The following LSM6 variants were observed in gnomAD, a reference collection of about 807,000 sequenced individuals.
The protein encoded by LSM6 is LSM6 homolog, U6 small nuclear RNA and mRNA degradation associated.
Under a neutral mutation model 13.5 loss-of-function variants are expected in LSM6, and 2 were observed. That is an observed-to-expected ratio of 0.15 (90% confidence interval 0.06 to 0.47). The LOEUF (loss-of-function observed/expected upper bound fraction) is 0.47, where lower values mean the gene tolerates loss of function less well. Ranked by LOEUF, LSM6 falls within the 20% of genes least tolerant of loss-of-function variation. The pLI is 0.97. For missense variants in LSM6, 58 were observed against 96.4 expected (o/e 0.60, Z 1.67); for synonymous variants, 43 against 34.9 (o/e 1.23, Z -0.82).
intron 2 of LSM6, among the ~76,000 whole-genome samples, chr4:146,186,979 T>G (rs1259700342): frequency 3.3e-5 from 5 of 152,240 alleles, no homozygotes; most frequent in Non-Finnish European, 7.3e-5. Context: ...AGTCTTATTC[T>G]CTTACTTTTT....
At chr4:146,187,075 G>A (rs1730366246) in intron 2 of LSM6, among the ~76,000 whole-genome samples, 199 bp from the exon 3 acceptor site, 1 of 152,210 alleles carries the variant, frequency 6.6e-6, no homozygotes, top group African/African-American at 2.4e-5. Context: ...GTGGGTGCGT[G>A]ACTGCCTTCC....
At chr4:146,188,985 C>CT (rs574933137) in intron 3 of LSM6, among the ~76,000 whole-genome samples, 4,220 of 131,312 alleles carry the variant, frequency 0.032, 118 homozygotes, top group African/African-American at 0.062. Context: ...TGAAAAGCAT[C>CT]TTTTTTTTTT....
intron 2 of LSM6, among the ~76,000 whole-genome samples, chr4:146,186,992 A>G (rs539650655): frequency 1.2e-3 from 179 of 152,236 alleles, no homozygotes; most frequent in African/African-American, 4.2e-3. Context: ...TACTTTTTTG[A>G]ATGCTTTAAA....
chr4:146,183,870 C>CTTT (rs1206702736), intron 2 of LSM6, among the ~76,000 whole-genome samples: 11 of 117,488 alleles, frequency 9.4e-5, no homozygotes, highest in South Asian at 2.8e-4. Flanking sequence ...GGGTAATTTT[C>CTTT]TTTTTTTTTT....
intron 1 of LSM6, 65 bp downstream of exon 1, chr4:146,175,876 T>C (rs2110873868): frequency 6.6e-6 from 1 of 152,506 alleles, no homozygotes; most frequent in African/African-American, 2.4e-5. Context: ...GGTGCCCCAG[T>C]GTTCAGTCGC....
At chr4:146,179,765 A>G (rs1730191036) in intron 1 of LSM6, among the ~76,000 whole-genome samples, 1 of 152,214 alleles carries the variant, frequency 6.6e-6, no homozygotes, top group Non-Finnish European at 1.5e-5. Flanking sequence ...GGGCATCTGC[A>G]CTCTGCTATG....
chr4:146,182,787 C>T (rs750414837), intron 1 of LSM6, 125 bp from the exon 2 acceptor site: 116 of 607,432 alleles, frequency 1.9e-4, no homozygotes, highest in Non-Finnish European at 2.9e-4. Context: ...TGGAGTAATA[C>T]GCGTCTTCTC....
At chr4:146,185,543 T>C (rs1730327763) in intron 2 of LSM6, among the ~76,000 whole-genome samples, 1 of 150,266 alleles carries the variant, frequency 6.7e-6, no homozygotes, top group Non-Finnish European at 1.5e-5. Context: ...CCAGCAACTC[T>C]CTGTAGCAGT....
At chr4:146,185,633 C>T (rs1730330100) in intron 2 of LSM6, among the ~76,000 whole-genome samples, 1 of 151,466 alleles carries the variant, frequency 6.6e-6, no homozygotes, top group Admixed American at 6.6e-5. Context: ...TTTCTAACCC[C>T]CTGGGCAGTT....
chr4:146,185,107 A>G lies in LSM6; in HGVS notation c.94+2092A>G, dbSNP rs528486187. Among the ~76,000 whole-genome samples the G allele has an allele frequency of 3.9e-5, 6 of 152,178 alleles. No homozygotes were observed. In the South Asian group the frequency reaches 1.2e-3, roughly 32 times the overall value. ...GACCAGTTTTTTGCCACTATAAACA[A>G]CTCTTCTACTTTGACATATATTGTG... On this transcript the variant is annotated intron_variant, in intron 2 of 3. Coordinates refer to ENST00000296581, the MANE Select transcript of LSM6 (RefSeq NM_007080.3).
intron 2 of LSM6, 101 bp downstream of exon 2, chr4:146,183,116 G>C: frequency 1.3e-6 from 1 of 752,152 alleles, no homozygotes. Flanking sequence ...GGCCAAAAAA[G>C]TACTGGTCAT....
chr4:146,177,967 G>A (rs1730147448), intron 1 of LSM6, among the ~76,000 whole-genome samples: 1 of 152,160 alleles, frequency 6.6e-6, no homozygotes, highest in Non-Finnish European at 1.5e-5. Flanking sequence ...AGTAGACTTC[G>A]GGAAAATCTG....
chr4:146,179,410 A>G (rs1730182911), intron 1 of LSM6, among the ~76,000 whole-genome samples: 1 of 152,236 alleles, frequency 6.6e-6, no homozygotes, highest in African/African-American at 2.4e-5. Flanking sequence ...TACTCATACA[A>G]AATGGATTTA....
chr4:146,178,981 TG>T (rs1560710356), intron 1 of LSM6, among the ~76,000 whole-genome samples: 1 of 152,210 alleles, frequency 6.6e-6, no homozygotes. Flanking sequence ...AGCACATAGT[TG>T]GGTTAATAAA....
intron 3 of LSM6, 148 bp downstream of exon 3, chr4:146,187,535 C>T: frequency 7.1e-6 from 4 of 566,890 alleles, no homozygotes; most frequent in Non-Finnish European, 6.3e-6. Context: ...TTCAGTTTGA[C>T]CAGTTATTTT....
At chr4:146,188,649 G>A (rs1332302876) in intron 3 of LSM6, among the ~76,000 whole-genome samples, 2 of 152,124 alleles carry the variant, frequency 1.3e-5, no homozygotes, top group Non-Finnish European at 2.9e-5. Flanking sequence ...ACCACCTCTA[G>A]TTTGGCCAAA....
At chr4:146,183,750 AT>A (rs1293797085) in intron 2 of LSM6, 2 of 147,684 alleles carry the variant, frequency 1.4e-5, no homozygotes, top group African/African-American at 2.5e-5. Context: ...TTTTTTTATT[AT>A]TTATTTCAGT....
chr4:146,182,770 G>A, intron 1 of LSM6, 142 bp from the exon 2 acceptor site: 2 of 573,800 alleles, frequency 3.5e-6, no homozygotes, highest in East Asian at 3.1e-5. Context: ...CTGTCATGTA[G>A]TAGCAGTGGA....
At chr4:146,182,814 C>T (rs912661258) in intron 1 of LSM6, 98 bp from the exon 2 acceptor site, 6 of 727,828 alleles carry the variant, frequency 8.2e-6, no homozygotes, top group African/African-American at 3.5e-5. Flanking sequence ...TCCTTTGATA[C>T]TTCATTTTCT....
Sources: allele counts gnomAD v4.1 joint callset (sites outside exome capture counted in the v4.1 genomes callset), GRCh38; gene constraint gnomAD v4.1.1; transcripts MANE v1.5; gene names NCBI Gene and HGNC (gene_info 2026-07-23, HGNC 2026-07-21).